SUCLG2: variants seen among roughly 807,000 people sequenced by gnomAD.
SUCLG2 encodes succinate--CoA ligase [GDP-forming] subunit beta, mitochondrial.
Under a neutral mutation model 47.9 loss-of-function variants are expected in SUCLG2, and 42 were observed. The observed-to-expected ratio is 0.88, with a 90% CI of 0.69 to 1.14. The LOEUF (loss-of-function observed/expected upper bound fraction) is 1.14. SUCLG2 is among the 50% of genes most tolerant of loss of function. The pLI, the probability that SUCLG2 is intolerant of heterozygous loss-of-function variation, is 0.00. For synonymous variants in SUCLG2, 195 were observed against 197.3 expected, an observed-to-expected ratio of 0.99 and a Z score of 0.10; for missense variants, 571 against 525.9, an observed-to-expected ratio of 1.09 and a Z score of -0.84.
intron 6 of SUCLG2, among the ~76,000 whole-genome samples, chr3:67,511,115 C>T (rs978662918): frequency 6.7e-6 from 1 of 148,920 alleles, no homozygotes; most frequent in Non-Finnish European, 1.5e-5. Flanking sequence ...TCTCAATCTC[C>T]TGACCTCGTA....
intron 10 of SUCLG2, among the ~76,000 whole-genome samples, chr3:67,393,769 C>A (rs1460935398): frequency 6.6e-6 from 1 of 152,094 alleles, no homozygotes; most frequent in Non-Finnish European, 1.5e-5. Flanking sequence ...CTGCGAGGCA[C>A]CCCAGCAGGG....
chr3:67,401,422 A>T (rs1702681006), intron 9 of SUCLG2, among the ~76,000 whole-genome samples: 1 of 152,130 alleles, frequency 6.6e-6, no homozygotes. Context: ...TTAAAAAAAG[A>T]CTCTCGAAAT....
At chr3:67,625,939 T>C (rs1056172764) in intron 1 of SUCLG2, among the ~76,000 whole-genome samples, 4 of 151,734 alleles carry the variant, frequency 2.6e-5, no homozygotes, top group Admixed American at 2.0e-4. Context: ...AGATAAGAAC[T>C]AGATTGAAGT....
intron 9 of SUCLG2, among the ~76,000 whole-genome samples, chr3:67,461,452 AG>A (rs1321099955): frequency 6.6e-6 from 1 of 152,076 alleles, no homozygotes; most frequent in Non-Finnish European, 1.5e-5. Flanking sequence ...TGGCATTCTG[AG>A]GGGGAAGGGG....
chr3:67,593,696 T>C (rs987330978), intron 2 of SUCLG2, among the ~76,000 whole-genome samples: 1 of 152,206 alleles, frequency 6.6e-6, no homozygotes, highest in African/African-American at 2.4e-5. Context: ...CTGGTTTGCC[T>C]TAGGCTTTCT....
chr3:67,451,446 G>A (rs1045255189), intron 9 of SUCLG2, among the ~76,000 whole-genome samples: 1 of 152,180 alleles, frequency 6.6e-6, no homozygotes, highest in Non-Finnish European at 1.5e-5. Flanking sequence ...TGTCAGAAAA[G>A]AGTGACAAAA....
chr3:67,528,295 G>C (rs1282265698), intron 3 of SUCLG2, 73 bp from the exon 4 acceptor site: 1 of 1,338,664 alleles, frequency 7.5e-7, no homozygotes, highest in African/African-American at 1.5e-5. Flanking sequence ...CTTACACAGA[G>C]CCTCATGTCT....
chr3:67,579,052 A>AC (rs756768084), intron 2 of SUCLG2, among the ~76,000 whole-genome samples: 11 of 152,372 alleles, frequency 7.2e-5, no homozygotes, highest in South Asian at 2.1e-4. Flanking sequence ...TCTATCTTGC[A>AC]ACCCTAAAAT....
rs998614942 is a variant in SUCLG2, at chr3:67,360,661, T to C, written c.1291A>G (p.Ser431Gly). The C allele has an allele frequency of 1.6e-5, 24 of 1,517,500 alleles. No individual in the cohort carries two copies. The highest frequency in any genetic ancestry group is 2.0e-5 in the Non-Finnish European group (23 of 1,135,606). The allele number at this position is 1,517,500 out of a possible 1,614,324, so 94.0% of individuals were successfully genotyped here. A position where few individuals can be genotyped will look rare whatever the true frequency, so the allele number is the denominator to read the frequency against. Reference sequence around the variant, plus strand: ...AAAAAAATGCTGATGGCACACTTACTCAGATTTTGGTGGGCGACGTTCTCT... The same window carrying C: ...AAAAAAATGCTGATGGCACACTTACCCAGATTTTGGTGGGCGACGTTCTCT... Residue 431 changes from serine to glycine, a missense_variant, in exon 11 of 11, where the codon AGT becomes GGT. Coordinates refer to the SUCLG2 transcript ENST00000493112.
At chr3:67,574,216 CT>C (rs1448968438) in intron 2 of SUCLG2, among the ~76,000 whole-genome samples, 1 of 152,120 alleles carries the variant, frequency 6.6e-6, no homozygotes, top group Non-Finnish European at 1.5e-5. Flanking sequence ...TTGGGTCCCC[CT>C]AGTAATCCAG....
chr3:67,590,032 G>A (rs186682461), intron 2 of SUCLG2, among the ~76,000 whole-genome samples: 1 of 152,120 alleles, frequency 6.6e-6, no homozygotes, highest in African/African-American at 2.4e-5. Flanking sequence ...AACATATGGT[G>A]TATGGGCCTC....
Position 67,497,960 on chromosome 3 carries a change from G to T in SUCLG2, c.919+174C>A, listed in dbSNP as rs139944369. Among the ~76,000 whole-genome samples the T allele has an allele frequency of 4.5e-3, 686 of 152,208 alleles. 12 individuals carry two copies. In the East Asian group the frequency reaches 0.059, roughly 13 times the overall value. On this transcript the variant is annotated intron_variant, in intron 8 of 10. Coordinates refer to ENST00000307227, the MANE Select transcript of SUCLG2 (RefSeq NM_003848.4). Reference sequence around the variant, plus strand: ...AGTTGAGAAATTCTGCTTTACACCAGTGACCATTAATCAAAACAACTTTGA... The same window carrying T: ...AGTTGAGAAATTCTGCTTTACACCATTGACCATTAATCAAAACAACTTTGA...
chr3:67,652,347 T>A (rs1196345033), intron 1 of SUCLG2, among the ~76,000 whole-genome samples: 1 of 152,192 alleles, frequency 6.6e-6, no homozygotes, highest in Admixed American at 6.5e-5. Flanking sequence ...TCACAAGGCC[T>A]GGTGGTATAA....
rs1701160976 is a variant in SUCLG2 at position 67,644,654 on chromosome 3, AT to A, written c.84+9848del. Among the ~76,000 whole-genome samples the A allele has an allele frequency of 3.3e-5, 5 of 152,116 alleles. No individual in the cohort carries two copies. In the South Asian group the frequency reaches 1.0e-3, roughly 31 times the overall value. On this transcript the variant is annotated intron_variant, in intron 1 of 10. Transcript: ENST00000307227. ...ATGGCAAAAATGGTTAAAATGGTCAATTTTATGTCATGTATATTTTACTACA... is the reference window on the plus strand; with the variant it reads ...ATGGCAAAAATGGTTAAAATGGTCAATTTATGTCATGTATATTTTACTACA...
At chr3:67,430,778 C>T (rs190185512) in intron 9 of SUCLG2, among the ~76,000 whole-genome samples, 24 of 152,040 alleles carry the variant, frequency 1.6e-4, no homozygotes, top group Non-Finnish European at 2.2e-4. Flanking sequence ...ATATGACCAC[C>T]GATCCCACAG....
intron 10 of SUCLG2, among the ~76,000 whole-genome samples, chr3:67,398,388 G>A (rs1245405598): frequency 6.6e-6 from 1 of 151,504 alleles, no homozygotes; most frequent in Non-Finnish European, 1.5e-5. Flanking sequence ...CTCAAAAGAA[G>A]ACATTTATGA....
rs769321429 is a variant in SUCLG2 at position 67,374,871 on chromosome 3, A to G, written c.*873T>C. 8.2e-4 allele frequency: 805 copies of G among 985,310 alleles called. 1 individual carries two copies. Among genetic ancestry groups the G allele is most frequent in the Non-Finnish European group, 9.1e-4 (756 of 829,878 alleles). The allele number at this position is 985,310 out of a possible 1,614,324, so 61.0% of individuals were successfully genotyped here. A position where few individuals can be genotyped will look rare whatever the true frequency, so the allele number is the denominator to read the frequency against. On this transcript the variant is annotated 3_prime_UTR_variant, in exon 11 of 11. Coordinates refer to ENST00000307227, the MANE Select transcript of SUCLG2 (RefSeq NM_003848.4). ...CAAATAAGGTTCCCATCTTTCTACC[A>G]TAAACTGGTAGATTCTGGGAGGATG...
At chr3:67,534,768 CAAAAAAAAAA>C (rs60612549) in intron 2 of SUCLG2, among the ~76,000 whole-genome samples, 5,701 of 34,654 alleles carry the variant, frequency 0.16, 140 homozygotes, top group South Asian at 0.3. Flanking sequence ...ACACTGATGG[CAAAAAAAAAA>C]AAAAAAAAAA....
intron 10 of SUCLG2, chr3:67,360,774 A>C (rs1490865221): frequency 8.6e-6 from 13 of 1,510,614 alleles, no homozygotes; most frequent in Non-Finnish European, 9.7e-6. Flanking sequence ...AGTACCTGAA[A>C]TTGGAGTGAG....
Sources: gnomAD v4.1 joint callset for allele counts (sites outside exome capture counted in the v4.1 genomes callset) on GRCh38, gnomAD v4.1.1 for gene constraint, MANE v1.5 for transcripts, NCBI Gene and HGNC (gene_info 2026-07-23, HGNC 2026-07-21) for gene names.